Variants in CSMD1 observed in about 807,000 individuals in gnomAD.
CSMD1 encodes the protein CUB and Sushi multiple domains 1, also known as CUB and sushi domain-containing protein 1.
Under a neutral mutation model 417.5 loss-of-function variants are expected in CSMD1, and 213 were observed. The observed-to-expected ratio is 0.51, with a 90% CI of 0.46 to 0.57. The LOEUF (loss-of-function observed/expected upper bound fraction) is 0.57. CSMD1 is among the 20% of genes least tolerant of loss of function. The pLI, the probability that CSMD1 is intolerant of heterozygous loss-of-function variation, is 0.00. For missense variants in CSMD1, 6,923 were observed against 4,529.7 expected (o/e 1.53, Z -15.17); for synonymous variants, 2,862 against 1,736.8 (o/e 1.65, Z -16.11).
chr8:4,297,175 T>A (rs1797733051), intron 3 of CSMD1, among the ~76,000 whole-genome samples: 1 of 152,084 alleles, frequency 6.6e-6, no homozygotes, highest in African/African-American at 2.4e-5. Context: ...TGAATATACT[T>A]TTACAATCTA....
intron 3 of CSMD1, among the ~76,000 whole-genome samples, chr8:4,353,210 C>G (rs1344150896): frequency 6.6e-6 from 1 of 152,034 alleles, no homozygotes; most frequent in African/African-American, 2.4e-5. Context: ...CAGGTGGAGA[C>G]AAGTGAATCA....
intron 3 of CSMD1, among the ~76,000 whole-genome samples, chr8:4,202,062 T>C (rs1319200431): frequency 1.3e-5 from 2 of 151,798 alleles, no homozygotes; most frequent in Admixed American, 6.6e-5. Flanking sequence ...GGTTGGCTCT[T>C]AATGCTTGCC....
rs146640536 is a variant in CSMD1, at chr8:4,444,020, G to A, written c.303-23955C>T. Among the ~76,000 whole-genome samples the A allele has an allele frequency of 2.0e-4, 31 of 152,194 alleles. No homozygotes were observed. In the East Asian group the frequency reaches 5.0e-3, roughly 25 times the overall value. ...GTAAGAATGGTGACATGTTAAGGAAGGAAAACACACACTATCTTTGAGAAG... is the reference window on the plus strand; with the variant it reads ...GTAAGAATGGTGACATGTTAAGGAAAGAAAACACACACTATCTTTGAGAAG... On this transcript the variant is annotated intron_variant, in intron 2 of 69. Transcript: ENST00000635120.
chr8:3,303,172 A>G (rs182635591), intron 25 of CSMD1, among the ~76,000 whole-genome samples: 2 of 152,344 alleles, frequency 1.3e-5, no homozygotes, highest in East Asian at 3.9e-4. Flanking sequence ...GAGTGGCCTC[A>G]TACCTTTCTG....
At chr8:3,298,837 T>G (rs1804165637) in intron 25 of CSMD1, among the ~76,000 whole-genome samples, 1 of 152,204 alleles carries the variant, frequency 6.6e-6, no homozygotes, top group Non-Finnish European at 1.5e-5. Context: ...ACAATTTGAA[T>G]AGAGCTCAAA....
intron 5 of CSMD1, among the ~76,000 whole-genome samples, chr8:3,807,146 C>T (rs889555434): frequency 3.9e-5 from 6 of 152,088 alleles, no homozygotes; most frequent in Non-Finnish European, 8.8e-5. Context: ...AAAAGTTTAA[C>T]CTTGATCCAC....
Position 3,075,975 on chromosome 8 carries a change from T to C in CSMD1, c.7474+11122A>G, listed in dbSNP as rs564112183. ...CTGAGGCAGGAGAATGGCATGAACC[T>C]GGGAGGCGCAGCTTGCAGTGAGCCG... is the stretch of plus-strand genomic sequence containing the variant. On this transcript the variant is annotated intron_variant, in intron 49 of 69. Transcript: ENST00000635120. Among the ~76,000 whole-genome samples the C allele has an allele frequency of 1.0e-2, 1,494 of 149,632 alleles. 16 individuals are homozygous for C. The highest frequency in any genetic ancestry group is 0.023 in the South Asian group (108 of 4,746).
At chr8:3,314,362 G>A (rs1039528852) in intron 23 of CSMD1, among the ~76,000 whole-genome samples, 5 of 152,138 alleles carry the variant, frequency 3.3e-5, no homozygotes, top group Non-Finnish European at 5.9e-5. Context: ...ACTTTTGACT[G>A]ATCAATTTTA....
At chr8:3,937,483 G>T (rs553282795) in intron 5 of CSMD1, among the ~76,000 whole-genome samples, 2 of 152,040 alleles carry the variant, frequency 1.3e-5, no homozygotes, top group Non-Finnish European at 2.9e-5. Context: ...CCTTCCACCA[G>T]CAAAAAGATG....
At chr8:4,743,324 G>T (rs1019766923) in intron 1 of CSMD1, among the ~76,000 whole-genome samples, 1 of 152,050 alleles carries the variant, frequency 6.6e-6, no homozygotes, top group Non-Finnish European at 1.5e-5. Flanking sequence ...TTACAATTCT[G>T]AACACTAAAT....
At chr8:4,185,792 G>T (rs1563240808) in intron 3 of CSMD1, among the ~76,000 whole-genome samples, 3 of 152,196 alleles carry the variant, frequency 2.0e-5, no homozygotes. Flanking sequence ...TGTGTAAGAT[G>T]AGTGGCAGAC....
intron 3 of CSMD1, among the ~76,000 whole-genome samples, chr8:4,075,098 A>C (rs1799753769): frequency 6.6e-6 from 1 of 152,186 alleles, no homozygotes; most frequent in African/African-American, 2.4e-5. Context: ...TTATTAGACA[A>C]AGAACAAAGT....
chr8:4,848,676 A>G (rs1390517311), intron 1 of CSMD1, among the ~76,000 whole-genome samples: 1 of 151,686 alleles, frequency 6.6e-6, no homozygotes, highest in East Asian at 1.9e-4. Flanking sequence ...AGTAGCTGGG[A>G]TTACAGGCAC....
intron 2 of CSMD1, among the ~76,000 whole-genome samples, chr8:4,518,680 C>T (rs2056663): frequency 2.6e-5 from 4 of 150,976 alleles, no homozygotes; most frequent in East Asian, 3.9e-4. Context: ...GACGAGTTAA[C>T]GGTGCAGCAC....
At chr8:4,303,636 G>C (rs1338316003) in intron 3 of CSMD1, among the ~76,000 whole-genome samples, 1 of 151,708 alleles carries the variant, frequency 6.6e-6, no homozygotes, top group Admixed American at 6.6e-5. Flanking sequence ...GAGGTGACTG[G>C]GAAGTTTTTC....
chr8:4,064,774 C>G (rs1273681996), intron 3 of CSMD1, among the ~76,000 whole-genome samples: 1 of 152,132 alleles, frequency 6.6e-6, no homozygotes, highest in Non-Finnish European at 1.5e-5. Context: ...CAATCCAGTC[C>G]ATTTAGAAAC....
intron 1 of CSMD1, among the ~76,000 whole-genome samples, chr8:4,652,790 G>C (rs1017027771): frequency 3.3e-5 from 5 of 152,170 alleles, no homozygotes; most frequent in African/African-American, 9.7e-5. Context: ...TCTGTGAAGG[G>C]TGTGGGGATG....
intron 30 of CSMD1, among the ~76,000 whole-genome samples, chr8:3,209,528 C>A (rs939875413): frequency 6.6e-6 from 1 of 151,908 alleles, no homozygotes; most frequent in Non-Finnish European, 1.5e-5. Context: ...ACCATGTTAG[C>A]CAGGATGTTA....
At chr8:3,789,899 T>C (rs957625829) in intron 5 of CSMD1, among the ~76,000 whole-genome samples, 6 of 151,898 alleles carry the variant, frequency 4.0e-5, no homozygotes, top group Admixed American at 2.0e-4. Flanking sequence ...GCCTGGCTAA[T>C]TTTTTGTATT....
Sources: allele counts gnomAD v4.1 joint callset (sites outside exome capture counted in the v4.1 genomes callset), GRCh38; gene constraint gnomAD v4.1.1; transcripts MANE v1.5; gene names NCBI Gene and HGNC (gene_info 2026-07-23, HGNC 2026-07-21).